The following GOLGB1 variants were observed in gnomAD, a reference collection of about 807,000 sequenced individuals.
GOLGB1 encodes the protein golgin B1.
Under a neutral mutation model 336.9 loss-of-function variants are expected in GOLGB1, and 174 were observed. The observed-to-expected ratio is 0.52, with a 90% CI of 0.46 to 0.59. The LOEUF is 0.59. GOLGB1 is among the 20% of genes least tolerant of loss of function. The probability of loss-of-function intolerance (pLI) is 0.00; values close to 1 mark genes in which losing one functional copy is unlikely to be tolerated. For missense variants in GOLGB1, 3,331 were observed against 3,645.3 expected (o/e 0.91, Z 2.22); for synonymous variants, 1,208 against 1,289.2 (o/e 0.94, Z 1.35).
At chr3:121,736,823 G>T (rs1946501687) in intron 1 of GOLGB1, among the ~76,000 whole-genome samples, 1 of 152,136 alleles carries the variant, frequency 6.6e-6, no homozygotes, top group Non-Finnish European at 1.5e-5. Flanking sequence ...AGAATCACTT[G>T]AACCTGGGAG....
chr3:121,747,534 A>T (rs1361470123), intron 1 of GOLGB1, among the ~76,000 whole-genome samples: 1 of 151,296 alleles, frequency 6.6e-6, no homozygotes, highest in Non-Finnish European at 1.5e-5. Flanking sequence ...TACTATTTTT[A>T]TATTTTTACA....
chr3:121,741,460 GGTT>G (rs1248614109), intron 1 of GOLGB1, among the ~76,000 whole-genome samples: 3 of 152,188 alleles, frequency 2.0e-5, no homozygotes, highest in African/African-American at 7.2e-5. Context: ...AATTAAAAGT[GGTT>G]GTTGTCTACG....
In GOLGB1 at chr3:121,699,822, T is replaced by C; in HGVS notation, c.1583A>G (p.Glu528Gly). 2 of 1,597,468 alleles carry C rather than the reference T, an allele frequency of 1.3e-6. 1 individual carries two copies. The highest frequency in any genetic ancestry group is 2.2e-5 in the South Asian group (2 of 90,416). The change falls in exon 12 of 22, where the codon GAA becomes GGA. Residue 528 changes from glutamate to glycine, a missense_variant. Glu to Gly is a moderately conservative substitution (Grantham distance 98). Transcript: ENST00000614479. ...AQNRTGEADREVSEISIVDIA... is the reference protein window; with the variant it reads ...AQNRTGEADRGVSEISIVDIA... Reference sequence around the variant, plus strand: ...GAACACATCACTTACCTCACTGACTTCTCTGTCTGCCTCCCCAGTTCTATT... The same window carrying C: ...GAACACATCACTTACCTCACTGACTCCTCTGTCTGCCTCCCCAGTTCTATT...
Position 121,716,791 on chromosome 3 carries a change from G to C in GOLGB1, c.1234C>G (p.Gln412Glu), listed in dbSNP as rs1188617035. ...ALKDQNSKLL[Q>E]DKNEQAVQSA... Reference sequence around the variant, plus strand: ...TGAACTGCTTGCTCATTCTTATCTTGGAGAAGCTTTGAATTTTGATCCTTT... The same window carrying C: ...TGAACTGCTTGCTCATTCTTATCTTCGAGAAGCTTTGAATTTTGATCCTTT... Residue 412 changes from glutamine to glutamate, a missense_variant, in exon 9 of 22, where the codon CAA (glutamine) becomes GAA (glutamate). Coordinates refer to ENST00000614479, the MANE Select transcript of GOLGB1 (RefSeq NM_001366282.2). 6.2e-7 allele frequency: 1 copy of C among 1,613,330 alleles called. No individual in the cohort carries two copies. The highest frequency in any genetic ancestry group is 8.5e-7 in the Non-Finnish European group (1 of 1,179,348).
At chr3:121,702,671 C>T in intron 10 of GOLGB1, 76 bp from the exon 11 acceptor site, 1 of 565,312 alleles carries the variant, frequency 1.8e-6, no homozygotes, top group Non-Finnish European at 2.9e-6. Context: ...TAGCCTCCAG[C>T]ATTTTTGTCT....
At chr3:121,706,669 G>A (rs957919444) in intron 10 of GOLGB1, among the ~76,000 whole-genome samples, 1 of 134,854 alleles carries the variant, frequency 7.4e-6, no homozygotes, top group African/African-American at 2.8e-5. Context: ...GGGAAGTGGA[G>A]GTTACAGTGA....
chr3:121,726,831 G>T lies in GOLGB1; in HGVS notation c.531+82C>A, dbSNP rs903042020. 1.9e-5 allele frequency: 20 copies of T among 1,050,186 alleles called. No homozygotes were observed. In the African/African-American group the frequency reaches 2.9e-4, roughly 15 times the overall value. 65.1% of individuals were successfully genotyped at this position (1,050,186 alleles called of 1,614,324 possible). ...TAGATAAATGCCCATTGTGCATCTAGAAAAATGTATTTGTCACATAATAAT... is the reference window on the plus strand; with the variant it reads ...TAGATAAATGCCCATTGTGCATCTATAAAAATGTATTTGTCACATAATAAT... On this transcript the variant is annotated intron_variant, in intron 5 of 21. Transcript: ENST00000614479.
Position 121,663,568 on chromosome 3 carries a change from T to G in GOLGB1, c.*912A>C, listed in dbSNP as rs1652201490. 6.6e-6 allele frequency: 1 copy of G among 152,238 alleles called. No individual in the cohort carries two copies. The highest frequency in any genetic ancestry group is 2.1e-4 in the South Asian group (1 of 4,834). 9.4% of individuals were successfully genotyped at this position (152,238 alleles called of 1,614,324 possible). ...TGTCACTAACAGCAAAGTAGCTTAG[T>G]ACTTCAAGAGGTCAGGAGTTGCAGT... On this transcript the variant is annotated 3_prime_UTR_variant, in exon 22 of 22. Coordinates refer to ENST00000614479, the MANE Select transcript of GOLGB1 (RefSeq NM_001366282.2).
At chr3:121,675,528 G>C (rs1327322947) in intron 17 of GOLGB1, among the ~76,000 whole-genome samples, 1 of 152,096 alleles carries the variant, frequency 6.6e-6, no homozygotes, top group African/African-American at 2.4e-5. Flanking sequence ...CAACGACATG[G>C]ATGAATCTCA....
chr3:121,729,811 G>A, intron 3 of GOLGB1, 54 bp downstream of exon 3: 1 of 1,317,610 alleles, frequency 7.6e-7, no homozygotes, highest in Non-Finnish European at 1.1e-6. Context: ...AGTGAGTAGT[G>A]TATCATCTGT....
chr3:121,717,084 G>A lies in GOLGB1; in HGVS notation c.941C>T (p.Thr314Ile). 6.2e-7 allele frequency: 1 copy of A among 1,612,724 alleles called. No homozygotes were observed. ...GGACTCCTCTCTTTCTGTTTCCACA[G>A]TGTTCCTCAAAGTATTATGCTCAGC... ...MEAEHNTLRNTVETEREESKI... is the reference protein window; with the variant it reads ...MEAEHNTLRNIVETEREESKI... The change falls in exon 9 of 22, where the codon ACT becomes ATT. Residue 314 changes from threonine to isoleucine, a missense_variant. Transcript: ENST00000614479.
intron 17 of GOLGB1, among the ~76,000 whole-genome samples, chr3:121,671,863 T>A (rs541785293): frequency 6.6e-6 from 1 of 152,214 alleles, no homozygotes; most frequent in African/African-American, 2.4e-5. Flanking sequence ...TTCACTTTTT[T>A]TTTTTTGCTC....
intron 13 of GOLGB1, 133 bp downstream of exon 13, chr3:121,693,608 T>A (rs1301529249): frequency 1.5e-6 from 1 of 677,548 alleles, no homozygotes; most frequent in Non-Finnish European, 2.5e-6. Context: ...AAGTCAGAAG[T>A]GAGAGAGAAT....
chr3:121,714,234 A>C (rs994021383), intron 10 of GOLGB1, among the ~76,000 whole-genome samples: 4 of 152,196 alleles, frequency 2.6e-5, no homozygotes, highest in African/African-American at 9.7e-5. Flanking sequence ...AGATGACTGA[A>C]TCTAGTTATC....
intron 17 of GOLGB1, among the ~76,000 whole-genome samples, 160 bp from the exon 18 acceptor site, chr3:121,669,515 AT>A (rs11363204): frequency 0.99 from 151,271 of 152,270 alleles, 75,149 homozygotes; most frequent in East Asian, 1. Flanking sequence ...AAAAAGCATA[AT>A]TTTTTTTTGA....
rs1329928431 is a variant in GOLGB1 at position 121,698,301 on chromosome 3, C to T, written c.2222G>A (p.Ser741Asn). Reference protein sequence around the residue: ...EEFKKNADNNSSAFTALSEER... With the variant: ...EEFKKNADNNNSAFTALSEER... ...TTCAGACAAAGCAGTGAATGCACTGCTGTTGTTGTCAGCATTTTTCTTAAA... is the reference window on the plus strand; with the variant it reads ...TTCAGACAAAGCAGTGAATGCACTGTTGTTGTTGTCAGCATTTTTCTTAAA... The change falls in exon 13 of 22, where the codon AGC becomes AAC. Residue 741 changes from serine (S) to asparagine (N), a missense_variant. By Grantham distance (46) the Ser-to-Asn change is conservative. Coordinates refer to ENST00000614479, the MANE Select transcript of GOLGB1 (RefSeq NM_001366282.2). The T allele has an allele frequency of 8.7e-6, 14 of 1,613,984 alleles. No homozygotes were observed. The East Asian group carries it at 2.7e-4, about 31-fold the overall frequency.
At chr3:121,689,921 T>C (rs1344480666) in intron 14 of GOLGB1, among the ~76,000 whole-genome samples, 1 of 152,172 alleles carries the variant, frequency 6.6e-6, no homozygotes, top group Non-Finnish European at 1.5e-5. Context: ...CTAGGAGCAG[T>C]AGAATCCTGA....
rs1326064027 is a variant in GOLGB1 at position 121,716,789 on chromosome 3, T to C, written c.1236A>G (p.Gln412=). 1 of 1,613,648 alleles carries C rather than the reference T, an allele frequency of 6.2e-7. No individual in the cohort carries two copies. Among genetic ancestry groups the C allele is most frequent in the Non-Finnish European group, 8.5e-7 (1 of 1,179,658 alleles). ...ACTGAACTGCTTGCTCATTCTTATC[T>C]TGGAGAAGCTTTGAATTTTGATCCT... ...ALKDQNSKLL[Q]DKNEQAVQSA... is the part of the protein sequence containing the mutation. The change falls in exon 9 of 22, where the codon CAA becomes CAG. Residue 412 remains glutamine (Q), a synonymous_variant. Coordinates refer to ENST00000614479, the MANE Select transcript of GOLGB1 (RefSeq NM_001366282.2).
chr3:121,745,671 AT>A (rs1254888649), intron 1 of GOLGB1, among the ~76,000 whole-genome samples: 1 of 152,176 alleles, frequency 6.6e-6, no homozygotes, highest in Non-Finnish European at 1.5e-5. Context: ...TCTTGCTGTT[AT>A]TTTATAAGGC....
Sources: allele counts gnomAD v4.1 joint callset (sites outside exome capture counted in the v4.1 genomes callset), GRCh38; gene constraint gnomAD v4.1.1; transcripts MANE v1.5; gene names NCBI Gene and HGNC (gene_info 2026-07-23, HGNC 2026-07-21).